Variants in ZNF98 observed in about 807,000 individuals in gnomAD.
ZNF98 encodes the protein zinc finger protein 98, also known as zinc finger protein 739.
ZNF98 carries 8 observed loss-of-function variants against 12.8 expected under a neutral mutation model. The ratio of observed to expected loss-of-function variants is 0.63; its 90% CI spans 0.37 to 1.13. The LOEUF is 1.13. ZNF98 is among the 50% of genes most tolerant of loss of function. The pLI is 0.01. For missense variants in ZNF98, 379 were observed against 666.1 expected (o/e 0.57, Z 4.74); for synonymous variants, 112 against 223.5 (o/e 0.50, Z 4.45).
intron 1 of ZNF98, among the ~76,000 whole-genome samples, chr19:22,420,077 C>T (rs1430366530): frequency 2.6e-5 from 4 of 152,100 alleles, no homozygotes; most frequent in Admixed American, 1.3e-4. Flanking sequence ...GCAAGAGAAT[C>T]ACTTGAACGT....
chr19:22,420,061 G>A (rs978557769), intron 1 of ZNF98, among the ~76,000 whole-genome samples: 3 of 152,164 alleles, frequency 2.0e-5, no homozygotes, highest in Non-Finnish European at 4.4e-5. Context: ...TACTCGGGAG[G>A]CTGAGGCAAG....
At chr19:22,410,857 A>T (rs934586746) in intron 1 of ZNF98, among the ~76,000 whole-genome samples, 1 of 152,140 alleles carries the variant, frequency 6.6e-6, no homozygotes, top group African/African-American at 2.4e-5. Context: ...CATTATTAGC[A>T]TTAGTTAGAG....
chr19:22,405,090 C>T (rs1321855010), intron 1 of ZNF98, among the ~76,000 whole-genome samples: 1 of 151,924 alleles, frequency 6.6e-6, no homozygotes, highest in Non-Finnish European at 1.5e-5. Context: ...GTAAAGAAGA[C>T]TCTGGTATAT....
At chr19:22,397,779 TC>T (rs915789933) in intron 3 of ZNF98, among the ~76,000 whole-genome samples, 2 of 116,732 alleles carry the variant, frequency 1.7e-5, no homozygotes, top group African/African-American at 6.5e-5. Flanking sequence ...GAAACAGCAA[TC>T]CCTCGAGTAT....
chr19:22,411,952 A>T (rs2145119776), intron 1 of ZNF98, among the ~76,000 whole-genome samples: 1 of 138,426 alleles, frequency 7.2e-6, no homozygotes, highest in Admixed American at 7.5e-5. Context: ...GATGAAGAGA[A>T]TGAGATACTG....
Position 22,391,422 on chromosome 19 carries a change from G to A in ZNF98, c.*94C>T. ...AGCATTGTGTAAGTTTTGCCACACT[G>A]TTCACACTTGTAGAAGTTTTCTCCA... On this transcript the variant is annotated 3_prime_UTR_variant, in exon 4 of 4. Transcript: ENST00000357774. 10 of 1,499,988 alleles carry A rather than the reference G, an allele frequency of 6.7e-6. No homozygotes were observed. Among genetic ancestry groups the A allele is most frequent in the Non-Finnish European group, 8.9e-6 (10 of 1,125,500 alleles). 92.9% of individuals were successfully genotyped at this position (1,499,988 alleles called of 1,614,324 possible). A position where few individuals can be genotyped will look rare whatever the true frequency, so the allele number is the denominator to read the frequency against.
At chr19:22,421,393 T>C (rs1445693475) in intron 1 of ZNF98, among the ~76,000 whole-genome samples, 1 of 152,172 alleles carries the variant, frequency 6.6e-6, no homozygotes, top group Non-Finnish European at 1.5e-5. Flanking sequence ...TTGGGACCCA[T>C]GTGAAACATG....
chr19:22,407,150 G>T (rs544659185), intron 1 of ZNF98, among the ~76,000 whole-genome samples: 66 of 151,874 alleles, frequency 4.3e-4, no homozygotes, highest in African/African-American at 1.5e-3. Context: ...TCCGCCTCCT[G>T]GGTTCAAGCG....
intron 1 of ZNF98, among the ~76,000 whole-genome samples, chr19:22,414,646 A>G (rs539924449): frequency 5.9e-5 from 9 of 152,302 alleles, no homozygotes; most frequent in Admixed American, 5.2e-4. Context: ...AGAATTCCCT[A>G]TTTAACAAAT....
At chr19:22,405,257 G>T (rs1456193349) in intron 1 of ZNF98, among the ~76,000 whole-genome samples, 1 of 129,838 alleles carries the variant, frequency 7.7e-6, no homozygotes, top group Non-Finnish European at 1.6e-5. Context: ...CTTCATCTGA[G>T]ACATGCTTAG....
chr19:22,409,324 A>C (rs1206999486), intron 1 of ZNF98, among the ~76,000 whole-genome samples: 1 of 152,176 alleles, frequency 6.6e-6, no homozygotes, highest in Non-Finnish European at 1.5e-5. Flanking sequence ...TAAAGCCCAA[A>C]ACCAGAAAAA....
intron 1 of ZNF98, among the ~76,000 whole-genome samples, chr19:22,416,792 T>C (rs541754323): frequency 6.6e-6 from 1 of 151,864 alleles, no homozygotes; most frequent in Non-Finnish European, 1.5e-5. Context: ...CATAAAATAG[T>C]GTGTGGCCGT....
At chr19:22,415,921 C>A (rs537672102) in intron 1 of ZNF98, among the ~76,000 whole-genome samples, 57 of 140,838 alleles carry the variant, frequency 4.0e-4, no homozygotes, top group Non-Finnish European at 5.7e-4. Context: ...GGTGAAACCC[C>A]GTTCCTACTT....
At chr19:22,397,914 T>C (rs1969415674) in intron 3 of ZNF98, among the ~76,000 whole-genome samples, 1 of 150,874 alleles carries the variant, frequency 6.6e-6, no homozygotes, top group Admixed American at 6.6e-5. Context: ...TTGGTATGAG[T>C]ATAAAGGTGA....
intron 1 of ZNF98, among the ~76,000 whole-genome samples, chr19:22,414,326 T>C (rs1969616710): frequency 1.3e-5 from 2 of 151,514 alleles, no homozygotes; most frequent in East Asian, 3.9e-4. Flanking sequence ...AGATTTGCTA[T>C]TTTTATCAAA....
At chr19:22,397,208 G>GTGTTTT (rs1555703672) in intron 3 of ZNF98, among the ~76,000 whole-genome samples, 1 of 63,972 alleles carries the variant, frequency 1.6e-5, no homozygotes, top group African/African-American at 4.1e-5. Flanking sequence ...GTGTGTGTGT[G>GTGTTTT]TTTTTGTGTG....
intron 1 of ZNF98, among the ~76,000 whole-genome samples, chr19:22,408,063 T>TCAAAA (rs770545039): frequency 1.3e-5 from 2 of 152,142 alleles, no homozygotes; most frequent in South Asian, 2.1e-4. Context: ...AAACTCTGTC[T>TCAAAA]CAAAACAAAA....
intron 1 of ZNF98, among the ~76,000 whole-genome samples, chr19:22,406,808 C>T (rs151103634): frequency 0.041 from 5,583 of 137,636 alleles, 349 homozygotes; most frequent in African/African-American, 0.14. Flanking sequence ...CAGAGCAAGA[C>T]TCCGTCTCAA....
intron 1 of ZNF98, among the ~76,000 whole-genome samples, chr19:22,408,805 A>G (rs1472800002): frequency 2.0e-5 from 3 of 152,202 alleles, no homozygotes; most frequent in African/African-American, 7.2e-5. Flanking sequence ...TCAAATGGAA[A>G]AACATCCCAT....
Sources: gnomAD v4.1 joint callset for allele counts (sites outside exome capture counted in the v4.1 genomes callset) on GRCh38, gnomAD v4.1.1 for gene constraint, MANE v1.5 for transcripts, NCBI Gene and HGNC (gene_info 2026-07-23, HGNC 2026-07-21) for gene names.